Variants in CLEC16A observed in about 807,000 individuals in gnomAD.
CLEC16A encodes protein CLEC16A.
A neutral mutation model predicts 109.5 loss-of-function variants in CLEC16A; 51 were observed. The observed-to-expected ratio is 0.47, with a 90% CI of 0.37 to 0.59. CLEC16A has a LOEUF of 0.59. CLEC16A is among the 20% of genes least tolerant of loss of function. CLEC16A has a pLI of 0.00. For synonymous variants in CLEC16A, 673 were observed against 564.2 expected (o/e 1.19, Z -2.73); for missense variants, 1,339 against 1,394.0 (o/e 0.96, Z 0.63).
intron 3 of CLEC16A, among the ~76,000 whole-genome samples, chr16:10,965,448 C>A (rs1482485033): frequency 6.6e-6 from 1 of 152,226 alleles, no homozygotes; most frequent in African/African-American, 2.4e-5. Context: ...GTGCACCAGC[C>A]ATTCTGCTGT....
chr16:11,144,591 C>T (rs143574611), intron 22 of CLEC16A, among the ~76,000 whole-genome samples: 11 of 152,344 alleles, frequency 7.2e-5, no homozygotes, highest in Non-Finnish European at 1.5e-4. Flanking sequence ...GGATCTTCCC[C>T]AGCTTGAGGC....
chr16:10,958,840 G>T (rs1298178953), intron 2 of CLEC16A, among the ~76,000 whole-genome samples: 1 of 152,136 alleles, frequency 6.6e-6, no homozygotes, highest in East Asian at 1.9e-4. Flanking sequence ...GGAGGTCCAG[G>T]CTGCAATGAG....
Position 11,003,283 on chromosome 16 carries a change from C to G in CLEC16A, c.1281C>G (p.Ile427Met). 6.2e-7 allele frequency: 1 copy of G among 1,612,250 alleles called. No homozygotes were observed. Among genetic ancestry groups the G allele is most frequent in the Non-Finnish European group, 8.5e-7 (1 of 1,179,742 alleles). The part of the protein sequence containing the change: ...AKGTEGGSKG[I>M]KTSGESEEIE... ...GTACAGAGGGTGGTTCAAAAGGCATCAAGACGAGTGGGGAGAGTGAAGGTG... is the reference window on the plus strand; with the variant it reads ...GTACAGAGGGTGGTTCAAAAGGCATGAAGACGAGTGGGGAGAGTGAAGGTG... Residue 427 changes from isoleucine (I) to methionine (M), a missense_variant, in exon 11 of 24, where the codon ATC (isoleucine) becomes ATG (methionine). Physicochemically the swap from Ile to Met is conservative, Grantham distance 10. Around this residue, in one of 3 missense-constraint regions of CLEC16A, gnomAD observed 1,061 missense variants for 1,006.8 expected, o/e 1.05. Transcript: ENST00000409790.
chr16:10,973,078 G>A lies in CLEC16A; in HGVS notation c.728+17G>A. On this transcript the variant is annotated intron_variant, in intron 7 of 23. Transcript: ENST00000409790. Reference sequence around the variant, plus strand: ...TGATGAGGAGTAAGTGACACCCCCAGGGCCACTCAGTAGATAGACAGGGTG... The same window carrying A: ...TGATGAGGAGTAAGTGACACCCCCAAGGCCACTCAGTAGATAGACAGGGTG... 6.3e-7 allele frequency: 1 copy of A among 1,590,726 alleles called. No homozygotes were observed.
At chr16:11,172,197 C>CTCACATACACAGCCACAT (rs2140999325) in intron 23 of CLEC16A, among the ~76,000 whole-genome samples, 2 of 152,338 alleles carry the variant, frequency 1.3e-5, no homozygotes, top group East Asian at 3.8e-4. Context: ...CATAGTCACA[C>CTCACATACACAGCCACAT]TCACATACAC....
chr16:11,122,616 C>A (rs2052506890), intron 20 of CLEC16A, among the ~76,000 whole-genome samples: 1 of 152,158 alleles, frequency 6.6e-6, no homozygotes, highest in South Asian at 2.1e-4. Context: ...AGAGCCTGTG[C>A]CAAATGTAGT....
chr16:10,986,580 C>T (rs535190136), intron 10 of CLEC16A, among the ~76,000 whole-genome samples: 10 of 152,286 alleles, frequency 6.6e-5, no homozygotes, highest in Non-Finnish European at 1.3e-4. Context: ...TCACCATTCT[C>T]CTCTCTGCAT....
intron 3 of CLEC16A, among the ~76,000 whole-genome samples, chr16:10,967,772 C>T (rs1309960836): frequency 6.6e-6 from 1 of 152,130 alleles, no homozygotes; most frequent in Non-Finnish European, 1.5e-5. Context: ...GCAGTTTGCC[C>T]AAGGTCACAG....
At chr16:11,070,614 A>C (rs767453720) in intron 19 of CLEC16A, 18 of 152,192 alleles carry the variant, frequency 1.2e-4, no homozygotes, top group Non-Finnish European at 2.5e-4. Context: ...TCTTCCTTTT[A>C]AACGAGAAGC....
At chr16:11,018,426 AG>A (rs1355493486) in intron 11 of CLEC16A, among the ~76,000 whole-genome samples, 3 of 152,036 alleles carry the variant, frequency 2.0e-5, no homozygotes, top group African/African-American at 4.8e-5. Context: ...TTCCAGGCAG[AG>A]GAAATTACTG....
chr16:11,055,491 A>AGGAGC (rs2048163205), intron 18 of CLEC16A, among the ~76,000 whole-genome samples: 2 of 149,016 alleles, frequency 1.3e-5, no homozygotes, highest in Non-Finnish European at 3.0e-5. Context: ...AGGGAGGGGC[A>AGGAGC]GGAGCGCAGC....
chr16:10,984,799 G>A (rs1408519752), intron 10 of CLEC16A, among the ~76,000 whole-genome samples: 2 of 152,208 alleles, frequency 1.3e-5, no homozygotes, highest in Non-Finnish European at 2.9e-5. Flanking sequence ...TCCAGTTAGA[G>A]GTGCAGAGTG....
Position 10,954,456 on chromosome 16 carries a change from A to G in CLEC16A, c.81-3326A>G, listed in dbSNP as rs965572259. Among the ~76,000 whole-genome samples, 1 of 152,212 alleles carries G rather than the reference A, an allele frequency of 6.6e-6. No individual in the cohort carries two copies. Among genetic ancestry groups the G allele is most frequent in the African/African-American group, 2.4e-5 (1 of 41,456 alleles). Reference sequence around the variant, plus strand: ...AAATTATTTAATAAGGGCAACAATAACAATAGCTAGCACTTGTATCATACA... The same window carrying G: ...AAATTATTTAATAAGGGCAACAATAGCAATAGCTAGCACTTGTATCATACA... On this transcript the variant is annotated intron_variant, in intron 1 of 23. Transcript: ENST00000409790. The surrounding 1 kb of genome is among the most constrained non-coding windows in gnomAD (Gnocchi z 4.2).
chr16:11,087,792 C>T (rs2050089102), intron 19 of CLEC16A, among the ~76,000 whole-genome samples: 1 of 152,228 alleles, frequency 6.6e-6, no homozygotes, highest in African/African-American at 2.4e-5. Context: ...ACACCGAGGC[C>T]CAGAGAGGAG....
chr16:11,154,081 C>T (rs1207312091), intron 22 of CLEC16A, among the ~76,000 whole-genome samples: 3 of 152,182 alleles, frequency 2.0e-5, no homozygotes, highest in East Asian at 1.9e-4. Flanking sequence ...TGTGTACACA[C>T]GCACACTCCT....
intron 13 of CLEC16A, among the ~76,000 whole-genome samples, chr16:11,033,188 A>G (rs1404307063): frequency 1.1e-4 from 16 of 152,138 alleles, no homozygotes. Context: ...GACGAGTCAG[A>G]TGACTCCTGT....
At chr16:11,107,838 C>T (rs529981070) in intron 19 of CLEC16A, among the ~76,000 whole-genome samples, 9 of 152,354 alleles carry the variant, frequency 5.9e-5, no homozygotes, top group African/African-American at 1.4e-4. Context: ...TGGATTCTGA[C>T]AGGGTGGTGA....
chr16:11,060,557 AG>A (rs2048425657), intron 18 of CLEC16A, among the ~76,000 whole-genome samples: 1 of 152,180 alleles, frequency 6.6e-6, no homozygotes, highest in Non-Finnish European at 1.5e-5. Context: ...CTTAGGTCTC[AG>A]CTGCCCGGTC....
chr16:10,985,015 C>G (rs2043542496), intron 10 of CLEC16A, among the ~76,000 whole-genome samples: 1 of 151,988 alleles, frequency 6.6e-6, no homozygotes, highest in Non-Finnish European at 1.5e-5. Context: ...TCCTGGCTAA[C>G]ACGGTGAAAC....
Sources: allele counts gnomAD v4.1 joint callset (sites outside exome capture counted in the v4.1 genomes callset), GRCh38; gene constraint gnomAD v4.1.1; regional missense constraint gnomAD v4.1.1; non-coding constraint Gnocchi (gnomAD v3.1); transcripts MANE v1.5; gene names NCBI Gene and HGNC (gene_info 2026-07-23, HGNC 2026-07-21).